SMCHD1: variants seen among roughly 807,000 people sequenced by gnomAD.
SMCHD1 encodes structural maintenance of chromosomes flexible hinge domain-containing protein 1.
Under a neutral mutation model 254.7 loss-of-function variants are expected in SMCHD1, and 78 were observed. The ratio of observed to expected loss-of-function variants is 0.31; its 90% CI spans 0.26 to 0.37. The LOEUF (loss-of-function observed/expected upper bound fraction) is 0.37. SMCHD1 is among the 10% of genes least tolerant of loss of function. The pLI is 1.00. For missense variants in SMCHD1, 1,840 were observed against 2,408.1 expected (o/e 0.76, Z 4.94); for synonymous variants, 766 against 794.9 (o/e 0.96, Z 0.61).
intron 15 of SMCHD1, 136 bp downstream of exon 15, chr18:2,706,606 TC>T (rs1341278118): frequency 2.0e-6 from 1 of 496,846 alleles, no homozygotes; most frequent in Non-Finnish European, 3.5e-6. Flanking sequence ...GAGATGAACT[TC>T]TTGTTGAAAA....
intron 19 of SMCHD1, among the ~76,000 whole-genome samples, chr18:2,719,326 T>C (rs2074873862): frequency 6.6e-6 from 1 of 150,942 alleles, no homozygotes; most frequent in South Asian, 2.2e-4. Flanking sequence ...AGTCTCACAC[T>C]GTTGGCCAGG....
chr18:2,699,520 A>T (rs2074354739), intron 10 of SMCHD1, among the ~76,000 whole-genome samples: 1 of 151,972 alleles, frequency 6.6e-6, no homozygotes, highest in African/African-American at 2.4e-5. Flanking sequence ...TTTGTATTTT[A>T]TTAGAGACAA....
chr18:2,794,422 C>T (rs1268175331), intron 45 of SMCHD1, among the ~76,000 whole-genome samples: 1 of 152,152 alleles, frequency 6.6e-6, no homozygotes, highest in African/African-American at 2.4e-5. Flanking sequence ...GGGAGAATCA[C>T]CTGAGCCCAG....
chr18:2,745,539 C>G (rs1436593959), intron 29 of SMCHD1, among the ~76,000 whole-genome samples: 1 of 152,158 alleles, frequency 6.6e-6, no homozygotes. Context: ...AAGGGTTTTA[C>G]TGAAAAGCCA....
intron 5 of SMCHD1, 107 bp from the exon 6 acceptor site, chr18:2,688,287 G>GATCACGCC: frequency 1.4e-6 from 1 of 733,318 alleles, no homozygotes; most frequent in Non-Finnish European, 2.3e-6. Context: ...AGTTAGGGGT[G>GATCACGCC]TTTGCAGGCG....
intron 24 of SMCHD1, among the ~76,000 whole-genome samples, chr18:2,729,785 T>C (rs953985513): frequency 6.6e-6 from 1 of 152,056 alleles, no homozygotes; most frequent in African/African-American, 2.4e-5. Context: ...CATGACTTGC[T>C]GCAGCCTCCA....
chr18:2,765,849 A>C (rs2075857278), intron 37 of SMCHD1, among the ~76,000 whole-genome samples: 1 of 152,200 alleles, frequency 6.6e-6, no homozygotes, highest in Non-Finnish European at 1.5e-5. Context: ...AAATTAGGTA[A>C]TGAAAGCCAC....
At chr18:2,729,683 T>C (rs2075098341) in intron 24 of SMCHD1, among the ~76,000 whole-genome samples, 1 of 151,586 alleles carries the variant, frequency 6.6e-6, no homozygotes, top group Non-Finnish European at 1.5e-5. Context: ...TTTTCTTCTA[T>C]TAAAATACAT....
At chr18:2,751,052 G>A (rs1285780403) in intron 32 of SMCHD1, among the ~76,000 whole-genome samples, 1 of 152,024 alleles carries the variant, frequency 6.6e-6, no homozygotes, top group African/African-American at 2.4e-5. Flanking sequence ...AAAGCATATG[G>A]TGCTATGACC....
rs756166672 is a variant in SMCHD1, at chr18:2,762,187, G to T, written c.4517G>T (p.Arg1506Leu). Reference protein sequence around the residue: ...KPPTPAVSNVRSVASRTLVRD... With the variant: ...KPPTPAVSNVLSVASRTLVRD... The stretch of plus-strand genomic sequence containing the variant: ...CCTACACCAGCTGTTTCAAATGTTC[G>T]CTCAGTTGCCAGTAGGACCTTGGTC... The change falls in exon 36 of 48, where the codon CGC becomes CTC. Residue 1506 changes from arginine to leucine, a missense_variant. Physicochemically the swap from Arg to Leu is moderately radical, Grantham distance 102. Coordinates refer to ENST00000320876, the MANE Select transcript of SMCHD1 (RefSeq NM_015295.3). 1 of 1,613,490 alleles carries T rather than the reference G, an allele frequency of 6.2e-7. No individual in the cohort carries two copies. Among genetic ancestry groups the T allele is most frequent in the Non-Finnish European group, 8.5e-7 (1 of 1,179,600 alleles).
At chr18:2,748,412 A>G (rs1310470350) in intron 30 of SMCHD1, among the ~76,000 whole-genome samples, 6 of 6,400 alleles carry the variant, frequency 9.4e-4, no homozygotes, top group Admixed American at 2.4e-3. Flanking sequence ...TTTTTTTTGG[A>G]GACAGAGTCT....
Position 2,804,453 on chromosome 18 carries a change from G to C in SMCHD1, c.*1901G>C, listed in dbSNP as rs1257559595. 1 of 152,026 alleles carries C rather than the reference G, an allele frequency of 6.6e-6. No individual in the cohort carries two copies. The highest frequency in any genetic ancestry group is 1.5e-5 in the Non-Finnish European group (1 of 67,998). 9.4% of individuals were successfully genotyped at this position (152,026 alleles called of 1,614,324 possible). A position where few individuals can be genotyped will look rare whatever the true frequency, so the allele number is the denominator to read the frequency against. On this transcript the variant is annotated 3_prime_UTR_variant, in exon 48 of 48. Transcript: ENST00000320876. ...GCCAATTTTTATTGCTTAAAATGGC[G>C]AGTTCTATGGATATTATCTAGCCCC...
chr18:2,795,342 A>T (rs1289385029), intron 45 of SMCHD1, among the ~76,000 whole-genome samples: 1 of 152,222 alleles, frequency 6.6e-6, no homozygotes, highest in Non-Finnish European at 1.5e-5. Flanking sequence ...TACAGGCGTG[A>T]ACTGCCATGC....
chr18:2,700,693 C>T, intron 11 of SMCHD1, 34 bp downstream of exon 11: 1 of 1,602,534 alleles, frequency 6.2e-7, no homozygotes, highest in Non-Finnish European at 8.5e-7. Context: ...TATGTTTTTA[C>T]AACTTAATTC....
At chr18:2,788,865 TAG>T (rs1196955496) in intron 45 of SMCHD1, among the ~76,000 whole-genome samples, 4 of 152,196 alleles carry the variant, frequency 2.6e-5, no homozygotes, top group Non-Finnish European at 5.9e-5. Context: ...CCCAAAGTGC[TAG>T]GATTACAATG....
intron 8 of SMCHD1, among the ~76,000 whole-genome samples, chr18:2,696,146 C>T (rs971812089): frequency 6.6e-6 from 1 of 151,942 alleles, no homozygotes; most frequent in Non-Finnish European, 1.5e-5. Flanking sequence ...GTGTTATTTC[C>T]AAAATGTTGG....
chr18:2,698,700 A>G (rs1008814056), intron 10 of SMCHD1, among the ~76,000 whole-genome samples: 1 of 151,000 alleles, frequency 6.6e-6, no homozygotes, highest in Non-Finnish European at 1.5e-5. Flanking sequence ...GTAGAGAGAT[A>G]GGGATTTAAC....
At chr18:2,755,261 T>C (rs1370304958) in intron 34 of SMCHD1, among the ~76,000 whole-genome samples, 3 of 152,058 alleles carry the variant, frequency 2.0e-5, no homozygotes, top group Non-Finnish European at 4.4e-5. Flanking sequence ...TACTATGTTG[T>C]CTGGGCTTGT....
At chr18:2,769,063 T>C (rs774450080) in intron 37 of SMCHD1, among the ~76,000 whole-genome samples, 1 of 152,156 alleles carries the variant, frequency 6.6e-6, no homozygotes, top group Non-Finnish European at 1.5e-5. Context: ...TACTATCGTT[T>C]CCCTTAGAAC....
Sources: allele counts gnomAD v4.1 joint callset (sites outside exome capture counted in the v4.1 genomes callset), GRCh38; gene constraint gnomAD v4.1.1; transcripts MANE v1.5; gene names NCBI Gene and HGNC (gene_info 2026-07-23, HGNC 2026-07-21).